The following PTPRD variants were observed in gnomAD, a reference collection of about 807,000 sequenced individuals.
PTPRD encodes the protein protein tyrosine phosphatase receptor type D.
A neutral mutation model predicts 214.5 loss-of-function variants in PTPRD; 34 were observed. That is an observed-to-expected ratio of 0.16 (90% CI 0.12 to 0.21). PTPRD has a LOEUF of 0.21. Among genes scored for constraint, PTPRD ranks in the 10% least tolerant of loss-of-function variants. The probability of loss-of-function intolerance (pLI) is 1.00; values close to 1 mark genes in which losing one functional copy is unlikely to be tolerated. For synonymous variants in PTPRD, 1,128 were observed against 845.7 expected (o/e 1.33, Z -5.79); for missense variants, 2,545 against 2,398.7 (o/e 1.06, Z -1.27).
chr9:9,834,500 C>T (rs2056124038), intron 5 of PTPRD, among the ~76,000 whole-genome samples: 1 of 151,942 alleles, frequency 6.6e-6, no homozygotes, highest in Non-Finnish European at 1.5e-5. Flanking sequence ...CCAGTGAGAT[C>T]TCCAATTCAC....
chr9:8,733,687 G>A, intron 12 of PTPRD, 93 bp downstream of exon 12: 4 of 1,296,842 alleles, frequency 3.1e-6, no homozygotes, highest in Non-Finnish European at 3.3e-6. Flanking sequence ...ACTTCCAAAG[G>A]AAATGTATTC....
intron 3 of PTPRD, among the ~76,000 whole-genome samples, chr9:10,326,353 C>A (rs939681221): frequency 6.6e-6 from 1 of 151,640 alleles, no homozygotes; most frequent in South Asian, 2.1e-4. Context: ...TAAGCCATTA[C>A]TTTGATATTC....
chr9:8,858,068 G>A, intron 11 of PTPRD: 1 of 162,122 alleles, frequency 6.2e-6, no homozygotes, highest in Non-Finnish European at 1.3e-5. Context: ...TCTCGCTGCC[G>A]CCGCCGCCGC....
intron 8 of PTPRD, among the ~76,000 whole-genome samples, chr9:9,457,207 T>C (rs939465636): frequency 6.6e-6 from 1 of 151,942 alleles, no homozygotes; most frequent in Non-Finnish European, 1.5e-5. Context: ...TCCTTGCTTA[T>C]TAACATGAAG....
chr9:10,005,485 T>G lies in PTPRD; in HGVS notation c.-472+28233A>C, dbSNP rs141652168. On this transcript the variant is annotated intron_variant, in intron 4 of 45. Transcript: ENST00000381196. Reference sequence around the variant, plus strand: ...AGAACATTGTCAAAATTATTATTGTTTCTGTTTTTTCTTTCTTTTTCAGAT... The same window carrying G: ...AGAACATTGTCAAAATTATTATTGTGTCTGTTTTTTCTTTCTTTTTCAGAT... 3.3e-5 allele frequency among the ~76,000 whole-genome samples: 5 copies of G among 152,242 alleles called. No homozygotes were observed. The East Asian group carries it at 9.7e-4, about 29-fold the overall frequency.
chr9:10,482,909 G>T (rs1274455065), intron 2 of PTPRD, among the ~76,000 whole-genome samples: 1 of 152,024 alleles, frequency 6.6e-6, no homozygotes, highest in Non-Finnish European at 1.5e-5. Flanking sequence ...ATAACAACAT[G>T]ATTCTTTACA....
intron 8 of PTPRD, among the ~76,000 whole-genome samples, chr9:9,564,647 G>A (rs1462860876): frequency 6.6e-6 from 1 of 151,832 alleles, no homozygotes; most frequent in Non-Finnish European, 1.5e-5. Flanking sequence ...GGGTACATAT[G>A]TCTTAAAAGC....
chr9:10,224,672 C>G (rs1025135244), intron 3 of PTPRD, among the ~76,000 whole-genome samples: 4 of 151,926 alleles, frequency 2.6e-5, no homozygotes, highest in African/African-American at 9.7e-5. Context: ...CCTTGAACAT[C>G]ATGAGTTTGA....
At chr9:9,384,113 T>C (rs1227530271) in intron 9 of PTPRD, among the ~76,000 whole-genome samples, 5 of 150,472 alleles carry the variant, frequency 3.3e-5, no homozygotes, top group Admixed American at 2.0e-4. Context: ...ACTTTTCACA[T>C]ACTTTTTTTT....
intron 5 of PTPRD, among the ~76,000 whole-genome samples, chr9:9,856,590 A>G (rs1016356757): frequency 2.0e-5 from 3 of 151,442 alleles, no homozygotes; most frequent in Non-Finnish European, 4.4e-5. Context: ...GACAATTCCC[A>G]GCAATCAGAG....
chr9:10,478,465 C>T (rs1419450252), intron 2 of PTPRD, among the ~76,000 whole-genome samples: 1 of 152,094 alleles, frequency 6.6e-6, no homozygotes, highest in African/African-American at 2.4e-5. Flanking sequence ...CTATTCATAT[C>T]ACCCCTTTAA....
chr9:10,105,096 C>G (rs2098610565), intron 3 of PTPRD, among the ~76,000 whole-genome samples: 1 of 151,782 alleles, frequency 6.6e-6, no homozygotes, highest in African/African-American at 2.4e-5. Context: ...CTCCATAACT[C>G]TGAAATAGCA....
rs527545901 is a variant in PTPRD, at chr9:8,747,501, A to C, written c.-103-13555T>G. 2.0e-5 allele frequency among the ~76,000 whole-genome samples: 3 copies of C among 152,260 alleles called. 1 individual carries two copies. The highest frequency in any genetic ancestry group is 2.0e-4 in the Admixed American group (3 of 15,284). ...TCACCAGAAAAAGAAGGAAAGGGAA[A>C]TAAAAAGGAACCGCCAAGCAGATAT... On this transcript the variant is annotated intron_variant, in intron 11 of 45. Transcript: ENST00000381196.
At chr9:8,956,806 T>C (rs1405028529) in intron 11 of PTPRD, among the ~76,000 whole-genome samples, 1 of 151,872 alleles carries the variant, frequency 6.6e-6, no homozygotes, top group African/African-American at 2.4e-5. Flanking sequence ...CCCACCATCA[T>C]CTATCTCAGT....
chr9:9,545,591 A>G (rs1021377393), intron 8 of PTPRD, among the ~76,000 whole-genome samples: 2 of 151,866 alleles, frequency 1.3e-5, no homozygotes, highest in Non-Finnish European at 2.9e-5. Flanking sequence ...GAGTTTTTGC[A>G]TGGACCAAAA....
intron 37 of PTPRD, among the ~76,000 whole-genome samples, chr9:8,380,212 G>C (rs2084576779): frequency 6.6e-6 from 1 of 152,096 alleles, no homozygotes; most frequent in Non-Finnish European, 1.5e-5. Context: ...AGCAGTTGTG[G>C]GGCATCAAGG....
intron 10 of PTPRD, among the ~76,000 whole-genome samples, chr9:9,148,544 A>C (rs1442672047): frequency 6.6e-6 from 1 of 152,136 alleles, no homozygotes; most frequent in Non-Finnish European, 1.5e-5. Context: ...TATGGCTGAC[A>C]TTTTTGCATC....
At chr9:10,072,445 A>C (rs1014635459) in intron 3 of PTPRD, among the ~76,000 whole-genome samples, 1 of 152,070 alleles carries the variant, frequency 6.6e-6, no homozygotes, top group Non-Finnish European at 1.5e-5. Flanking sequence ...GCTCTTCAAG[A>C]TGGCACGAAC....
intron 3 of PTPRD, among the ~76,000 whole-genome samples, chr9:10,181,942 TAAAAAAAAAAA>T (rs3075573): frequency 5.2e-5 from 2 of 38,512 alleles, no homozygotes; most frequent in Non-Finnish European, 5.6e-5. Flanking sequence ...TCATAAATAC[TAAAAAAAAAAA>T]AAAAAAAAAA....
Sources: allele counts gnomAD v4.1 joint callset (sites outside exome capture counted in the v4.1 genomes callset), GRCh38; gene constraint gnomAD v4.1.1; transcripts MANE v1.5; gene names NCBI Gene and HGNC (gene_info 2026-07-23, HGNC 2026-07-21).